Variants in PCDH15 observed in about 807,000 individuals in gnomAD.
PCDH15 encodes the protein protocadherin related 15.
A neutral mutation model predicts 178.5 loss-of-function variants in PCDH15; 129 were observed. That is an observed-to-expected ratio of 0.72 (90% CI 0.63 to 0.84). The LOEUF is 0.84. Ranked by LOEUF, PCDH15 falls within the 40% of genes least tolerant of loss-of-function variation. The pLI is 0.00. For missense variants in PCDH15, 2,230 were observed against 2,099.9 expected (o/e 1.06, Z -1.21); for synonymous variants, 800 against 732.0 (o/e 1.09, Z -1.50).
intron 3 of PCDH15, among the ~76,000 whole-genome samples, chr10:54,428,082 T>C (rs1956512625): frequency 6.6e-6 from 1 of 152,218 alleles, no homozygotes; most frequent in African/African-American, 2.4e-5. Context: ...TGGTTCATCA[T>C]CCAGATCCCA....
chr10:54,418,733 G>T (rs1165122561), intron 3 of PCDH15, among the ~76,000 whole-genome samples: 2 of 151,858 alleles, frequency 1.3e-5, no homozygotes, highest in African/African-American at 4.8e-5. Context: ...ATTTGGGGGT[G>T]AGAAGGCCTA....
intron 2 of PCDH15, among the ~76,000 whole-genome samples, chr10:54,620,488 C>T (rs896959603): frequency 2.6e-5 from 4 of 151,740 alleles, no homozygotes; most frequent in African/African-American, 4.8e-5. Context: ...TTTCTAAAAC[C>T]GATTCTTTTT....
At chr10:54,138,895 A>G (rs1002445092) in intron 14 of PCDH15, among the ~76,000 whole-genome samples, 1 of 152,070 alleles carries the variant, frequency 6.6e-6, no homozygotes, top group African/African-American at 2.4e-5. Context: ...ATGTATGTTC[A>G]TGTATTACGT....
At chr10:54,699,060 G>A (rs1212002058) in intron 1 of PCDH15, among the ~76,000 whole-genome samples, 1 of 151,988 alleles carries the variant, frequency 6.6e-6, no homozygotes, top group South Asian at 2.1e-4. Flanking sequence ...AAACAGCATT[G>A]GTTTACCCAA....
intron 1 of PCDH15, among the ~76,000 whole-genome samples, chr10:55,307,998 TAATG>T (rs1843475140): frequency 6.6e-6 from 1 of 152,182 alleles, no homozygotes; most frequent in East Asian, 1.9e-4. Flanking sequence ...AGTTAGAGAT[TAATG>T]AGAGTCATAC....
intron 2 of PCDH15, among the ~76,000 whole-genome samples, chr10:54,586,973 C>CT (rs1217489600): frequency 3.3e-5 from 5 of 151,768 alleles, no homozygotes; most frequent in South Asian, 2.1e-4. Context: ...CATATTTTTG[C>CT]TTTTTTTTAA....
intron 2 of PCDH15, among the ~76,000 whole-genome samples, chr10:55,549,319 C>A (rs10825539): frequency 6.6e-6 from 1 of 152,012 alleles, no homozygotes; most frequent in Non-Finnish European, 1.5e-5. Flanking sequence ...TGATTACTTA[C>A]AGCCCGTTAC....
intron 2 of PCDH15, among the ~76,000 whole-genome samples, chr10:54,922,935 G>T (rs991601783): frequency 6.6e-6 from 1 of 152,194 alleles, no homozygotes; most frequent in African/African-American, 2.4e-5. Flanking sequence ...TGGGGACTCT[G>T]TGTGGGCGCT....
At chr10:53,923,757 A>G (rs929657474) in intron 25 of PCDH15, among the ~76,000 whole-genome samples, 7 of 152,112 alleles carry the variant, frequency 4.6e-5, no homozygotes, top group Non-Finnish European at 5.9e-5. Context: ...TGTTTCAGCC[A>G]TTTTTGACTT....
At chr10:54,205,516 T>TGTGTGTGTGTGTGTGTGTG in intron 10 of PCDH15, among the ~76,000 whole-genome samples, 1 of 150,476 alleles carries the variant, frequency 6.6e-6, no homozygotes, top group Non-Finnish European at 1.5e-5. Context: ...TGTGTGTGTG[T>TGTGTGTGTGTGTGTGTGTG]AAAATGTCTT....
At chr10:55,615,823 A>G (rs972038825) in intron 2 of PCDH15, among the ~76,000 whole-genome samples, 15 of 152,290 alleles carry the variant, frequency 9.8e-5, no homozygotes, top group Non-Finnish European at 1.6e-4. Flanking sequence ...ATTTCAGTCC[A>G]GGAGGTTGAG....
At chr10:54,888,223 C>G (rs573245176) in intron 3 of PCDH15, among the ~76,000 whole-genome samples, 1 of 152,202 alleles carries the variant, frequency 6.6e-6, no homozygotes, top group South Asian at 2.1e-4. Context: ...TCCAGACATT[C>G]ACTAATCTCC....
intron 18 of PCDH15, among the ~76,000 whole-genome samples, chr10:54,035,695 T>C (rs547717144): frequency 1.6e-4 from 24 of 152,018 alleles, no homozygotes; most frequent in South Asian, 8.3e-4. Flanking sequence ...CCACTATGTA[T>C]GGGCTCTAAG....
intron 1 of PCDH15, among the ~76,000 whole-genome samples, chr10:55,285,360 A>G (rs905283959): frequency 4.6e-5 from 7 of 151,638 alleles, no homozygotes; most frequent in Admixed American, 6.6e-5. Flanking sequence ...TTTAAGAAGT[A>G]CTTTTATACA....
intron 2 of PCDH15, among the ~76,000 whole-genome samples, chr10:54,629,515 C>G (rs1276355500): frequency 1.3e-5 from 2 of 152,098 alleles, no homozygotes; most frequent in Non-Finnish European, 2.9e-5. Flanking sequence ...TTTCAACAGA[C>G]TCAGATAAAT....
intron 2 of PCDH15, among the ~76,000 whole-genome samples, chr10:55,472,290 T>C (rs970944969): frequency 1.3e-5 from 2 of 152,198 alleles, no homozygotes; most frequent in African/African-American, 2.4e-5. Context: ...CAGATTTCTC[T>C]ACAGTGCCAA....
At chr10:55,180,436 G>A (rs776487171) in intron 1 of PCDH15, among the ~76,000 whole-genome samples, 1 of 152,092 alleles carries the variant, frequency 6.6e-6, no homozygotes, top group Admixed American at 6.6e-5. Flanking sequence ...AGTTAAGGTA[G>A]AAGCAAATTT....
chr10:55,117,312 A>G (rs991702742), intron 2 of PCDH15, among the ~76,000 whole-genome samples: 1 of 152,188 alleles, frequency 6.6e-6, no homozygotes, highest in African/African-American at 2.4e-5. Context: ...TGCTGTATTC[A>G]TTAGAACCTG....
intron 2 of PCDH15, among the ~76,000 whole-genome samples, chr10:55,558,123 G>A (rs1043604690): frequency 3.3e-5 from 5 of 151,976 alleles, no homozygotes; most frequent in Non-Finnish European, 5.9e-5. Flanking sequence ...AGAGACTGTG[G>A]TAGCAGAGAT....
Sources: allele counts gnomAD v4.1 joint callset (sites outside exome capture counted in the v4.1 genomes callset), GRCh38; gene constraint gnomAD v4.1.1; transcripts MANE v1.5; gene names NCBI Gene and HGNC (gene_info 2026-07-23, HGNC 2026-07-21).